CHCHD6: variants seen among roughly 807,000 people sequenced by gnomAD.
CHCHD6 encodes the protein coiled-coil-helix-coiled-coil-helix domain containing 6.
A neutral mutation model predicts 32.3 loss-of-function variants in CHCHD6; 28 were observed. The ratio of observed to expected loss-of-function variants is 0.87; its 90% CI spans 0.64 to 1.19. The LOEUF (loss-of-function observed/expected upper bound fraction) is 1.19, where lower values mean the gene tolerates loss of function less well. Among genes scored for constraint, CHCHD6 ranks in the 50% most tolerant of loss-of-function variants. CHCHD6 has a pLI of 0.00. For missense variants in CHCHD6, 333 were observed against 307.0 expected, an observed-to-expected ratio of 1.08 and a Z score of -0.63; for synonymous variants, 122 against 117.5, an observed-to-expected ratio of 1.04 and a Z score of -0.25.
intron 4 of CHCHD6, among the ~76,000 whole-genome samples, chr3:126,785,286 T>C (rs1234572695): frequency 6.6e-6 from 1 of 152,172 alleles, no homozygotes; most frequent in African/African-American, 2.4e-5. Context: ...TCCAGATGTT[T>C]CCATATCTCC....
chr3:126,782,625 T>C (rs999223692), intron 4 of CHCHD6, among the ~76,000 whole-genome samples: 21 of 152,144 alleles, frequency 1.4e-4, no homozygotes, highest in Non-Finnish European at 2.5e-4. Flanking sequence ...AGACTCAGGG[T>C]CCAAGGTGGG....
At chr3:126,948,507 G>C (rs1342366275) in intron 6 of CHCHD6, among the ~76,000 whole-genome samples, 1 of 152,028 alleles carries the variant, frequency 6.6e-6, no homozygotes, top group East Asian at 1.9e-4. Flanking sequence ...CTGGATTAGG[G>C]GCCCACCCTA....
At chr3:126,790,442 T>C (rs192480482) in intron 4 of CHCHD6, among the ~76,000 whole-genome samples, 96 of 152,340 alleles carry the variant, frequency 6.3e-4, no homozygotes, top group African/African-American at 1.6e-3. Flanking sequence ...CCATTCTCCC[T>C]GTCACTTTCA....
chr3:126,707,468 C>A (rs1409071409), intron 1 of CHCHD6, among the ~76,000 whole-genome samples: 1 of 152,152 alleles, frequency 6.6e-6, no homozygotes, highest in Admixed American at 6.5e-5. Context: ...GTACATTTAA[C>A]CTCATCCTTC....
intron 4 of CHCHD6, among the ~76,000 whole-genome samples, chr3:126,740,779 C>T (rs1936259531): frequency 6.6e-6 from 1 of 152,216 alleles, no homozygotes; most frequent in Non-Finnish European, 1.5e-5. Context: ...TTAACCTGGC[C>T]TTGGTGGTTA....
intron 4 of CHCHD6, among the ~76,000 whole-genome samples, chr3:126,798,923 C>T (rs541621546): frequency 8.5e-5 from 13 of 152,176 alleles, no homozygotes; most frequent in Admixed American, 3.3e-4. Context: ...TGGAATGTTC[C>T]GTTTTTCTTT....
chr3:126,839,378 A>G (rs1940982372), intron 4 of CHCHD6, among the ~76,000 whole-genome samples: 1 of 152,220 alleles, frequency 6.6e-6, no homozygotes, highest in Non-Finnish European at 1.5e-5. Context: ...ACCTATGCCA[A>G]GTTGGCATCT....
chr3:126,867,202 G>A (rs985097578), intron 5 of CHCHD6, among the ~76,000 whole-genome samples: 3 of 152,336 alleles, frequency 2.0e-5, no homozygotes, highest in South Asian at 2.1e-4. Context: ...AAATTGTCAT[G>A]CAAGGCCAAG....
intron 4 of CHCHD6, among the ~76,000 whole-genome samples, chr3:126,778,403 G>T (rs1455366770): frequency 1.3e-5 from 2 of 152,146 alleles, no homozygotes; most frequent in Admixed American, 1.3e-4. Flanking sequence ...AATGTGTGAG[G>T]GTTCCAGTTT....
chr3:126,956,264 G>A (rs374463153), intron 6 of CHCHD6, among the ~76,000 whole-genome samples: 12 of 152,190 alleles, frequency 7.9e-5, no homozygotes, highest in East Asian at 5.8e-4. Context: ...GCCCTCAGCC[G>A]TGAGTGGTGT....
At chr3:126,724,626 C>T (rs1225362561) in intron 1 of CHCHD6, among the ~76,000 whole-genome samples, 2 of 152,116 alleles carry the variant, frequency 1.3e-5, no homozygotes, top group Non-Finnish European at 2.9e-5. Context: ...TCAACTCTTC[C>T]TTTCACAAAA....
intron 3 of CHCHD6, 58 bp downstream of exon 3, chr3:126,730,688 T>G: frequency 6.9e-7 from 1 of 1,439,374 alleles, no homozygotes. Flanking sequence ...GCCTCTTTCC[T>G]CACTGGGTAC....
At chr3:126,904,536 T>G (rs1450706632) in intron 5 of CHCHD6, among the ~76,000 whole-genome samples, 2 of 152,218 alleles carry the variant, frequency 1.3e-5, no homozygotes, top group African/African-American at 4.8e-5. Flanking sequence ...GTTGCTTTAC[T>G]CTTTGCAAAG....
chr3:126,879,272 A>G (rs553947628), intron 5 of CHCHD6, among the ~76,000 whole-genome samples: 1 of 152,218 alleles, frequency 6.6e-6, no homozygotes, highest in South Asian at 2.1e-4. Flanking sequence ...GGGATGAGGC[A>G]TCATGTCCCA....
intron 5 of CHCHD6, among the ~76,000 whole-genome samples, chr3:126,893,301 A>G (rs1576565962): frequency 6.6e-6 from 1 of 152,208 alleles, no homozygotes; most frequent in African/African-American, 2.4e-5. Context: ...TAGGCTTTGA[A>G]TAGAACAGTA....
At chr3:126,954,255 A>G (rs900321244) in intron 6 of CHCHD6, among the ~76,000 whole-genome samples, 4 of 152,202 alleles carry the variant, frequency 2.6e-5, no homozygotes, top group Non-Finnish European at 5.9e-5. Flanking sequence ...CTGGGAGCCC[A>G]CTGCGAGGTT....
intron 6 of CHCHD6, among the ~76,000 whole-genome samples, chr3:126,916,698 C>A (rs1435588207): frequency 2.6e-5 from 4 of 152,208 alleles, no homozygotes; most frequent in African/African-American, 9.7e-5. Context: ...GAAGGGTTCC[C>A]CCCGGTATGT....
At chr3:126,865,739 G>T (rs1169938209) in intron 5 of CHCHD6, 1 of 984,888 alleles carries the variant, frequency 1.0e-6, no homozygotes, top group African/African-American at 1.7e-5. Context: ...ACTGCTTCTG[G>T]TATGTTTGCT....
At chr3:126,886,584 T>G (rs2077683294) in intron 5 of CHCHD6, among the ~76,000 whole-genome samples, 1 of 152,192 alleles carries the variant, frequency 6.6e-6, no homozygotes, top group South Asian at 2.1e-4. Context: ...TGACTCTGTT[T>G]CCCCTCGTTC....
Sources: allele counts gnomAD v4.1 joint callset (sites outside exome capture counted in the v4.1 genomes callset), GRCh38; gene constraint gnomAD v4.1.1; transcripts MANE v1.5; gene names NCBI Gene and HGNC (gene_info 2026-07-23, HGNC 2026-07-21).